NPIPA1: variants seen among roughly 807,000 people sequenced by gnomAD.
NPIPA1 encodes the protein nuclear pore complex-interacting protein family member A1.
For missense variants in NPIPA1, 22 were observed against 232.2 expected (o/e 0.09, Z 5.88); for synonymous variants, 7 against 88.0 (o/e 0.08, Z 5.15).
At chr16:14,947,519 G>A (rs1965921195) in intron 4 of NPIPA1, among the ~76,000 whole-genome samples, 3 of 151,182 alleles carry the variant, frequency 2.0e-5, no homozygotes, top group Non-Finnish European at 2.9e-5. Flanking sequence ...CCACGCATGT[G>A]TGCAAAAGCT....
intron 1 of NPIPA1, among the ~76,000 whole-genome samples, chr16:14,938,845 T>G (rs1385850630): frequency 2.0e-5 from 3 of 151,688 alleles, no homozygotes; most frequent in African/African-American, 7.2e-5. Flanking sequence ...TTCAAGCAAT[T>G]GTCCTGCCTC....
chr16:14,947,820 T>G, intron 4 of NPIPA1, among the ~76,000 whole-genome samples: 1 of 152,230 alleles, frequency 6.6e-6, no homozygotes, highest in Non-Finnish European at 1.5e-5. Flanking sequence ...TTTGTGTTTC[T>G]AGTTCCCAAG....
chr16:14,944,825 C>T (rs1965841781), intron 2 of NPIPA1, among the ~76,000 whole-genome samples: 1 of 150,804 alleles, frequency 6.6e-6, no homozygotes, highest in Non-Finnish European at 1.5e-5. Flanking sequence ...AGGATGGTCT[C>T]CATCTCTTGA....
chr16:14,947,359 C>G (rs1350867404), intron 4 of NPIPA1, among the ~76,000 whole-genome samples: 59 of 151,932 alleles, frequency 3.9e-4, no homozygotes, highest in South Asian at 1.5e-3. Flanking sequence ...GAGGTCGTCT[C>G]TGCAGGCTCA....
intron 1 of NPIPA1, among the ~76,000 whole-genome samples, chr16:14,940,867 C>T (rs1965734184): frequency 1.6e-5 from 2 of 122,330 alleles, no homozygotes; most frequent in Non-Finnish European, 3.3e-5. Context: ...GTGGCTCATG[C>T]CTGTAATCCC....
At chr16:14,943,892 T>C (rs1263491425) in intron 2 of NPIPA1, among the ~76,000 whole-genome samples, 1 of 151,588 alleles carries the variant, frequency 6.6e-6, no homozygotes, top group African/African-American at 2.4e-5. Context: ...CTCATGCCTG[T>C]AATCCCAGCA....
intron 4 of NPIPA1, among the ~76,000 whole-genome samples, chr16:14,946,611 G>C (rs1342859262): frequency 6.9e-6 from 1 of 145,448 alleles, no homozygotes; most frequent in Non-Finnish European, 1.5e-5. Context: ...TGCAACCTCT[G>C]CCTCCCAGTT....
chr16:14,944,289 G>A (rs1415871464), intron 2 of NPIPA1, among the ~76,000 whole-genome samples: 1 of 152,254 alleles, frequency 6.6e-6, no homozygotes, highest in African/African-American at 2.4e-5. Context: ...TGATAATATG[G>A]AAATCTTGGT....
intron 5 of NPIPA1, chr16:14,949,622 G>C (rs1416376338): frequency 1.6e-6 from 1 of 628,282 alleles, no homozygotes; most frequent in African/African-American, 1.9e-5. Flanking sequence ...TTCTGAGATG[G>C]AGTCTTGCTG....
intron 4 of NPIPA1, among the ~76,000 whole-genome samples, chr16:14,947,816 T>G (rs1205723499): frequency 6.6e-6 from 1 of 152,222 alleles, no homozygotes; most frequent in African/African-American, 2.4e-5. Flanking sequence ...AGGTTTTGTG[T>G]TTCTAGTTCC....
In NPIPA1 at chr16:14,937,487, AACCTGGCACTCTGCTTGGGTAT is replaced by A; in HGVS notation, c.46_63+4del. The A allele has an allele frequency of 2.0e-6, 1 of 501,828 alleles. No individual in the cohort carries two copies. Among genetic ancestry groups the A allele is most frequent in the African/African-American group, 3.9e-5 (1 of 25,900 alleles). The allele number at this position is 501,828 out of a possible 1,614,324, so 31.1% of individuals were successfully genotyped here. ...ATGAATGGCTGAGCGGAGGCTGTAA[AACCTGGCACTCTGCTTGGGTAT>A]GAGGTTCTTCCTGCCATCCTGCCAT... is the stretch of plus-strand genomic sequence containing the variant. On this transcript the variant is annotated splice_donor_variant and splice_donor_region_variant and coding_sequence_variant and intron_variant, in exon 1 of 8. Transcript: ENST00000328085. LOFTEE classifies it high-confidence loss of function.
intron 4 of NPIPA1, among the ~76,000 whole-genome samples, chr16:14,947,476 C>G (rs1965919981): frequency 6.6e-6 from 1 of 151,436 alleles, no homozygotes; most frequent in African/African-American, 2.4e-5. Context: ...CTTTCATTGG[C>G]AGACCCTCAA....
chr16:14,945,227 G>GT (rs748459839), intron 2 of NPIPA1, among the ~76,000 whole-genome samples: 7 of 137,748 alleles, frequency 5.1e-5, no homozygotes, highest in Non-Finnish European at 7.7e-5. Context: ...ATTCTTGTGT[G>GT]GTGTGTGTGT....
intron 2 of NPIPA1, among the ~76,000 whole-genome samples, chr16:14,943,575 C>A (rs1166118920): frequency 1.3e-5 from 2 of 148,794 alleles, no homozygotes; most frequent in Admixed American, 6.8e-5. Flanking sequence ...TCATCTATAC[C>A]ATTACCTCCT....
chr16:14,947,895 G>C (rs1200203610), intron 4 of NPIPA1, among the ~76,000 whole-genome samples: 1 of 151,924 alleles, frequency 6.6e-6, no homozygotes, highest in South Asian at 2.1e-4. Context: ...AGCTTCTTTA[G>C]CGTGGGGACA....
intron 1 of NPIPA1, among the ~76,000 whole-genome samples, chr16:14,940,431 A>G (rs1965722196): frequency 6.6e-6 from 1 of 152,098 alleles, no homozygotes; most frequent in Non-Finnish European, 1.5e-5. Flanking sequence ...ACTACTGGCC[A>G]GGTGCAGTGG....
chr16:14,944,605 CA>C (rs1382736837), intron 2 of NPIPA1, among the ~76,000 whole-genome samples: 7 of 146,808 alleles, frequency 4.8e-5, no homozygotes, highest in African/African-American at 7.6e-5. Flanking sequence ...ATATTCATGT[CA>C]TTTTTTTTTT....
chr16:14,948,448 C>T (rs1965946307), intron 4 of NPIPA1, among the ~76,000 whole-genome samples: 1 of 152,258 alleles, frequency 6.6e-6, no homozygotes, highest in South Asian at 2.1e-4. Flanking sequence ...CTCTCTATGG[C>T]TGATGGTCTC....
At chr16:14,946,950 C>G (rs551203967) in intron 4 of NPIPA1, among the ~76,000 whole-genome samples, 1,810 of 151,496 alleles carry the variant, frequency 0.012, no homozygotes, top group African/African-American at 0.042. Flanking sequence ...AACTCGGCCT[C>G]CCAATGTGCT....
Sources: gnomAD v4.1 joint callset for allele counts (sites outside exome capture counted in the v4.1 genomes callset) on GRCh38, gnomAD v4.1.1 for gene constraint, MANE v1.5 for transcripts, NCBI Gene and HGNC (gene_info 2026-07-23, HGNC 2026-07-21) for gene names.